Variants in DPP6 observed in about 807,000 individuals in gnomAD.
DPP6 encodes the protein A-type potassium channel modulatory protein DPP6.
In DPP6, 69 loss-of-function variants were observed where a neutral mutation model predicts 122.6. The observed-to-expected ratio is 0.56, with a 90% confidence interval of 0.46 to 0.69. The LOEUF (loss-of-function observed/expected upper bound fraction) is 0.69, where lower values mean the gene tolerates loss of function less well. DPP6 is among the 30% of genes least tolerant of loss of function. The probability of loss-of-function intolerance (pLI) is 0.00; values close to 1 mark genes in which losing one functional copy is unlikely to be tolerated. For synonymous variants in DPP6, 418 were observed against 433.1 expected (o/e 0.97, Z 0.43); for missense variants, 928 against 1,116.9 (o/e 0.83, Z 2.41).
intron 1 of DPP6, among the ~76,000 whole-genome samples, chr7:154,243,083 A>G (rs1276613046): frequency 1.3e-5 from 2 of 152,214 alleles, no homozygotes; most frequent in Admixed American, 6.5e-5. Context: ...CATGAAAGGA[A>G]AGACATGAAG....
chr7:154,061,737 T>TG lies in DPP6; in HGVS notation c.243+8674_243+8675insG, dbSNP rs1306251487. Among the ~76,000 whole-genome samples the TG allele has an allele frequency of 2.0e-3, 151 of 75,880 alleles. No homozygotes were observed. In the South Asian group the frequency reaches 0.02, roughly 10 times the overall value. The allele number at this position is 75,880 out of a possible 152,430, so 49.8% of individuals were successfully genotyped here. Reference sequence around the variant, plus strand: ...CCCCGCGAGGCGGGGACTGCGAACCTCCCCCTTTCCTCCCCTGGCTCTTTG... The same window carrying TG: ...CCCCGCGAGGCGGGGACTGCGAACCTGCCCCCTTTCCTCCCCTGGCTCTTTG... On this transcript the variant is annotated intron_variant, in intron 1 of 25. Coordinates refer to ENST00000377770, the MANE Select transcript of DPP6 (RefSeq NM_130797.4).
At chr7:154,482,713 G>A (rs1247267808) in intron 3 of DPP6, among the ~76,000 whole-genome samples, 1 of 152,106 alleles carries the variant, frequency 6.6e-6, no homozygotes, top group Non-Finnish European at 1.5e-5. Flanking sequence ...ATATTAATGT[G>A]CCTTAATTTG....
chr7:154,160,340 A>G (rs576279399), intron 1 of DPP6, among the ~76,000 whole-genome samples: 2 of 152,300 alleles, frequency 1.3e-5, no homozygotes, highest in Admixed American at 1.3e-4. Flanking sequence ...CAGGCCATTC[A>G]GTACAGTGTT....
chr7:154,450,063 G>T (rs982915745), intron 2 of DPP6, among the ~76,000 whole-genome samples: 1 of 150,848 alleles, frequency 6.6e-6, no homozygotes, highest in African/African-American at 2.4e-5. Flanking sequence ...TAAATGTGAT[G>T]TAACCATACA....
At chr7:153,912,809 T>A (rs1288830002) in intron 1 of DPP6, among the ~76,000 whole-genome samples, 1 of 152,198 alleles carries the variant, frequency 6.6e-6, no homozygotes, top group Admixed American at 6.5e-5. Flanking sequence ...GCTGAGCTGT[T>A]AGAGCCCCAC....
At chr7:154,068,208 A>G (rs1395877822) in intron 1 of DPP6, among the ~76,000 whole-genome samples, 1 of 151,986 alleles carries the variant, frequency 6.6e-6, no homozygotes, top group Non-Finnish European at 1.5e-5. Flanking sequence ...GGGAGGAGGC[A>G]TCGGCTTGAC....
intron 1 of DPP6, among the ~76,000 whole-genome samples, chr7:154,183,202 A>C (rs1332708895): frequency 6.6e-6 from 1 of 151,948 alleles, no homozygotes; most frequent in Admixed American, 6.6e-5. Flanking sequence ...TTTTTTCTCA[A>C]GTTTCGACTC....
At chr7:154,328,776 A>C (rs1808662453) in intron 1 of DPP6, among the ~76,000 whole-genome samples, 1 of 152,156 alleles carries the variant, frequency 6.6e-6, no homozygotes, top group Non-Finnish European at 1.5e-5. Flanking sequence ...CCTTGTCATT[A>C]ACCCCGTTGC....
chr7:153,999,061 C>T (rs1187051166), intron 1 of DPP6, among the ~76,000 whole-genome samples: 2 of 152,228 alleles, frequency 1.3e-5, no homozygotes, highest in African/African-American at 4.8e-5. Context: ...CCCATCATGC[C>T]CCTGTTCAGC....
At chr7:154,338,899 A>C (rs892009692) in intron 1 of DPP6, among the ~76,000 whole-genome samples, 1 of 152,118 alleles carries the variant, frequency 6.6e-6, no homozygotes, top group Non-Finnish European at 1.5e-5. Flanking sequence ...GCCCTGCCCC[A>C]TTCATCTGCG....
intron 1 of DPP6, among the ~76,000 whole-genome samples, chr7:154,020,111 A>AAC (rs57752926): frequency 0.12 from 17,361 of 150,702 alleles, 1,050 homozygotes; most frequent in East Asian, 0.19. Context: ...CACACACACA[A>AAC]ACACACACAC....
At chr7:154,450,626 G>T (rs1205970534) in intron 2 of DPP6, among the ~76,000 whole-genome samples, 1 of 152,188 alleles carries the variant, frequency 6.6e-6, no homozygotes, top group Non-Finnish European at 1.5e-5. Context: ...GAGCACAGTT[G>T]CCTGGAACAA....
rs561075895 is a variant in DPP6, at chr7:154,601,264, A to G, written c.627+34348A>G. Among the ~76,000 whole-genome samples, 15 of 121,364 alleles carry G rather than the reference A, an allele frequency of 1.2e-4. 6 individuals are homozygous for G. The South Asian group carries it at 4.7e-3, about 38-fold the overall frequency. The allele number at this position is 121,364 out of a possible 152,430, so 79.6% of individuals were successfully genotyped here. A position where few individuals can be genotyped will look rare whatever the true frequency, so the allele number is the denominator to read the frequency against. ...AGTTGATATTTTGTTCCAGTCTTCT[A>G]TTTAATTACTTTTGCTGTGAATTAC... On this transcript the variant is annotated intron_variant, in intron 5 of 25. Coordinates refer to ENST00000377770, the MANE Select transcript of DPP6 (RefSeq NM_130797.4).
At chr7:154,351,900 C>A (rs1402267762) in intron 1 of DPP6, among the ~76,000 whole-genome samples, 1 of 152,072 alleles carries the variant, frequency 6.6e-6, no homozygotes, top group Non-Finnish European at 1.5e-5. Flanking sequence ...GGAAAGGTTC[C>A]CTGGTCTGGG....
chr7:154,218,477 A>G (rs1800127399), intron 1 of DPP6, among the ~76,000 whole-genome samples: 1 of 152,192 alleles, frequency 6.6e-6, no homozygotes, highest in Admixed American at 6.5e-5. Context: ...GGCCTCATGC[A>G]TGGGAATGTG....
At chr7:154,313,685 G>GTGTGTGTGTGTATGTATATATATATATA in intron 1 of DPP6, among the ~76,000 whole-genome samples, 1 of 20,468 alleles carries the variant, frequency 4.9e-5, no homozygotes, top group African/African-American at 1.3e-4. Context: ...TTAAGATATG[G>GTGTGTGTGTGTATGTATATATATATATA]TATATATATA....
At chr7:153,788,965 CAA>C in the DPP6 span, among the ~76,000 whole-genome samples, 1,634 of 134,502 alleles carry the variant, frequency 0.012, 16 homozygotes, top group African/African-American at 0.035. Flanking sequence ...AAGTCTGTCT[CAA>C]AAAAAAAAAA....
chr7:154,229,526 G>A (rs1413038964), intron 1 of DPP6, among the ~76,000 whole-genome samples: 2 of 152,194 alleles, frequency 1.3e-5, no homozygotes, highest in African/African-American at 4.8e-5. Flanking sequence ...CTTAGAGCAT[G>A]AACAAGATGA....
At chr7:154,701,301 C>T (rs529785916) in intron 7 of DPP6, among the ~76,000 whole-genome samples, 3 of 152,354 alleles carry the variant, frequency 2.0e-5, no homozygotes, top group South Asian at 2.1e-4. Context: ...CTGATAACCA[C>T]GCAGGCTGTG....
Sources: allele counts gnomAD v4.1 joint callset (sites outside exome capture counted in the v4.1 genomes callset), GRCh38; gene constraint gnomAD v4.1.1; transcripts MANE v1.5; gene names NCBI Gene and HGNC (gene_info 2026-07-23, HGNC 2026-07-21).